Variants in TENM3 observed in about 807,000 individuals in gnomAD.
The protein encoded by TENM3 is teneurin transmembrane protein 3.
In TENM3, 63 loss-of-function variants were observed where a neutral mutation model predicts 255.1. That is an observed-to-expected ratio of 0.25 (90% confidence interval 0.20 to 0.30). The LOEUF (loss-of-function observed/expected upper bound fraction) is 0.30. Among genes scored for constraint, TENM3 ranks in the 10% least tolerant of loss-of-function variants. The probability of loss-of-function intolerance (pLI) is 1.00; values close to 1 mark genes in which losing one functional copy is unlikely to be tolerated. For synonymous variants in TENM3, 1,306 were observed against 1,322.3 expected (o/e 0.99, Z 0.27); for missense variants, 2,929 against 3,461.1 (o/e 0.85, Z 3.86).
At chr4:181,482,028 T>C in the TENM3 span, among the ~76,000 whole-genome samples, 1 of 152,172 alleles carries the variant, frequency 6.6e-6, no homozygotes, top group Non-Finnish European at 1.5e-5. Flanking sequence ...TAGGAAGTAT[T>C]GATTGATAAT....
chr4:181,769,168 C>T, the TENM3 span, among the ~76,000 whole-genome samples: 6 of 152,058 alleles, frequency 3.9e-5, no homozygotes. Context: ...AAAAGATATT[C>T]ATGCAGACAA....
the TENM3 span, among the ~76,000 whole-genome samples, chr4:181,822,525 A>G: frequency 6.6e-6 from 1 of 152,226 alleles, no homozygotes; most frequent in African/African-American, 2.4e-5. Flanking sequence ...AGCCCTTTAC[A>G]AAAACTAAAA....
At chr4:182,742,595 T>G (rs968876899) in intron 18 of TENM3, among the ~76,000 whole-genome samples, 1 of 152,242 alleles carries the variant, frequency 6.6e-6, no homozygotes, top group Admixed American at 6.5e-5. Flanking sequence ...AAGAAAATTA[T>G]AAATTCAAAA....
chr4:181,448,256 T>C, the TENM3 span, among the ~76,000 whole-genome samples: 1 of 129,884 alleles, frequency 7.7e-6, no homozygotes, highest in Non-Finnish European at 1.6e-5. Flanking sequence ...AAGCTCCGCC[T>C]CCCGGGTTCA....
chr4:181,830,593 G>C, the TENM3 span, among the ~76,000 whole-genome samples: 21,127 of 151,942 alleles, frequency 0.14, 2,928 homozygotes, highest in African/African-American at 0.35. Flanking sequence ...TCTTCTGCTC[G>C]GTCTCTCTAG....
chr4:182,523,664 A>T (rs1738815496), intron 3 of TENM3, among the ~76,000 whole-genome samples: 1 of 152,184 alleles, frequency 6.6e-6, no homozygotes, highest in Admixed American at 6.5e-5. Flanking sequence ...GCTCTGGGCA[A>T]TTTGAAGCTG....
intron 1 of TENM3, among the ~76,000 whole-genome samples, chr4:182,209,353 G>A (rs1379985962): frequency 6.6e-6 from 1 of 150,484 alleles, no homozygotes; most frequent in African/African-American, 2.4e-5. Context: ...CACACTCAAG[G>A]CAGGTGCTTC....
chr4:182,781,671 A>C (rs1478217816), intron 24 of TENM3, among the ~76,000 whole-genome samples: 2 of 149,004 alleles, frequency 1.3e-5, no homozygotes, highest in African/African-American at 4.9e-5. Flanking sequence ...TCAGCTGTGA[A>C]TCCATCTGGT....
At chr4:182,124,079 T>A in the TENM3 span, among the ~76,000 whole-genome samples, 1 of 152,140 alleles carries the variant, frequency 6.6e-6, no homozygotes, top group Non-Finnish European at 1.5e-5. Flanking sequence ...TGAGATGGAG[T>A]CTCACTCCGT....
intron 11 of TENM3, among the ~76,000 whole-genome samples, chr4:182,685,779 G>A (rs1006359647): frequency 9.2e-5 from 14 of 151,992 alleles, no homozygotes; most frequent in Middle Eastern, 3.4e-3. Context: ...TATCCAAGTC[G>A]GAAAGGAACA....
chr4:181,506,215 T>G, the TENM3 span, among the ~76,000 whole-genome samples: 16 of 152,170 alleles, frequency 1.1e-4, no homozygotes, highest in Admixed American at 1.0e-3. Flanking sequence ...CTGAAAACTT[T>G]GTACTCTCAT....
the TENM3 span, among the ~76,000 whole-genome samples, chr4:181,777,203 G>T: frequency 6.6e-6 from 1 of 151,494 alleles, no homozygotes; most frequent in African/African-American, 2.4e-5. Context: ...CATGTATGCC[G>T]ACAATGAGTT....
chr4:182,282,085 C>G (rs1760423162), intron 1 of TENM3, among the ~76,000 whole-genome samples: 2 of 152,026 alleles, frequency 1.3e-5, no homozygotes, highest in African/African-American at 2.4e-5. Flanking sequence ...TAATTATTGT[C>G]CAGCAATTAA....
chr4:182,331,614 G>A (rs773653525), intron 2 of TENM3, among the ~76,000 whole-genome samples: 2 of 152,014 alleles, frequency 1.3e-5, no homozygotes, highest in Non-Finnish European at 2.9e-5. Flanking sequence ...AAAAGTTATT[G>A]GTATTTTTAA....
the TENM3 span, among the ~76,000 whole-genome samples, chr4:181,612,569 A>G: frequency 1.3e-5 from 2 of 151,884 alleles, no homozygotes; most frequent in Non-Finnish European, 2.9e-5. Context: ...CATTGCCAGT[A>G]TGGTCTTTAT....
intron 19 of TENM3, among the ~76,000 whole-genome samples, chr4:182,748,322 A>G (rs1762148049): frequency 6.6e-6 from 1 of 152,336 alleles, no homozygotes; most frequent in East Asian, 1.9e-4. Context: ...TCCGCTCAGC[A>G]GAGATTTCCC....
chr4:182,075,064 G>T, the TENM3 span, among the ~76,000 whole-genome samples: 79 of 152,230 alleles, frequency 5.2e-4, no homozygotes, highest in South Asian at 2.1e-3. Context: ...ACTCCACACC[G>T]CATGGCTCAG....
the TENM3 span, among the ~76,000 whole-genome samples, chr4:181,724,377 C>T: frequency 6.6e-6 from 1 of 151,890 alleles, no homozygotes; most frequent in African/African-American, 2.4e-5. Flanking sequence ...GGTATCATAC[C>T]TCCTGGACTA....
chr4:181,630,615 G>A, the TENM3 span, among the ~76,000 whole-genome samples: 4 of 152,184 alleles, frequency 2.6e-5, no homozygotes, highest in African/African-American at 9.6e-5. Context: ...TCATTCAGGA[G>A]CAGGTTGTTC....
Sources: allele counts gnomAD v4.1 joint callset (sites outside exome capture counted in the v4.1 genomes callset), GRCh38; gene constraint gnomAD v4.1.1; transcripts MANE v1.5; gene names NCBI Gene and HGNC (gene_info 2026-07-23, HGNC 2026-07-21).